Variants in TRIM27 observed in about 807,000 individuals in gnomAD.
The protein encoded by TRIM27 is tripartite motif containing 27.
A neutral mutation model predicts 57.6 loss-of-function variants in TRIM27; 12 were observed. The observed-to-expected ratio is 0.21, with a 90% CI of 0.13 to 0.34. The LOEUF is 0.34. TRIM27 is among the 10% of genes least tolerant of loss of function. The pLI, the probability that TRIM27 is intolerant of heterozygous loss-of-function variation, is 1.00. For missense variants in TRIM27, 403 were observed against 656.8 expected, an observed-to-expected ratio of 0.61 and a Z score of 4.22; for synonymous variants, 266 against 259.0, an observed-to-expected ratio of 1.03 and a Z score of -0.26.
At chr6:28,915,225 C>G (rs1773511716) in intron 3 of TRIM27, 3 of 142,598 alleles carry the variant, frequency 2.1e-5, no homozygotes, top group Admixed American at 1.5e-4. Flanking sequence ...TCCATGACTT[C>G]TTTCTTTCTC....
rs141787804 is a variant in TRIM27 at position 28,920,060 on chromosome 6, G to C, written c.699C>G (p.Ile233Met). ...SCNISHLSSL[I>M]AQLEEKQQQP... ...GCTGCTGCTTCTCTTCTAGCTGAGC[G>C]ATCAGGCTGCTGAGGTGGGAGATGT... The change falls in exon 3 of 8, where the codon ATC (isoleucine) becomes ATG (methionine). Residue 233 changes from isoleucine (I) to methionine (M), a missense_variant. Transcript: ENST00000377199. 1 of 1,614,110 alleles carries C rather than the reference G, an allele frequency of 6.2e-7. No homozygotes were observed. The highest frequency in any genetic ancestry group is 1.7e-5 in the Admixed American group (1 of 60,028).
In TRIM27 at chr6:28,923,722, T is replaced by C; in HGVS notation, c.-90A>G. 6.6e-6 allele frequency: 9 copies of C among 1,362,470 alleles called. No individual in the cohort carries two copies. The highest frequency in any genetic ancestry group is 8.7e-6 in the Non-Finnish European group (9 of 1,028,820). The allele number at this position is 1,362,470 out of a possible 1,614,324, so 84.4% of individuals were successfully genotyped here. On this transcript the variant is annotated 5_prime_UTR_variant, in exon 1 of 8. Transcript: ENST00000377199. ...CTCCGGCGCTCTCTCCGGTTCGCTGTTCCTGAGAGGCACCGGGCGGACGGA... is the reference window on the plus strand; with the variant it reads ...CTCCGGCGCTCTCTCCGGTTCGCTGCTCCTGAGAGGCACCGGGCGGACGGA...
Position 28,923,927 on chromosome 6 carries a change from A to G in TRIM27, c.-295T>C. 2 of 404,148 alleles carry G rather than the reference A, an allele frequency of 4.9e-6. No homozygotes were observed. The highest frequency in any genetic ancestry group is 7.4e-5 in the South Asian group (1 of 13,576). 25.0% of individuals were successfully genotyped at this position (404,148 alleles called of 1,614,324 possible). A position where few individuals can be genotyped will look rare whatever the true frequency, so the allele number is the denominator to read the frequency against. On this transcript the variant is annotated 5_prime_UTR_variant, in exon 1 of 8. Transcript: ENST00000377199. Reference sequence around the variant, plus strand: ...AGCCGAGGGTCAGAGTCCCAGGGCCAGGCGGGCAAAGCGCGCAAGACAACG... The same window carrying G: ...AGCCGAGGGTCAGAGTCCCAGGGCCGGGCGGGCAAAGCGCGCAAGACAACG...
chr6:28,904,641 G>A lies in TRIM27; in HGVS notation c.971C>T (p.Thr324Met), dbSNP rs1772628320. 6.3e-7 allele frequency: 1 copy of A among 1,598,898 alleles called. No individual in the cohort carries two copies. The highest frequency in any genetic ancestry group is 8.5e-7 in the Non-Finnish European group (1 of 1,179,640). ...AGAGAGGATCAGGCTGGGGTAGGCC[G>A]TGTCTGGGTCCAGAGTCACGTCCAC... ...YSVDVTLDPD[T>M]AYPSLILSDN... Residue 324 changes from threonine to methionine, a missense_variant, in exon 8 of 8, where the codon ACG (threonine) becomes ATG (methionine). Coordinates refer to ENST00000377199, the MANE Select transcript of TRIM27 (RefSeq NM_006510.5). The surrounding 1 kb of genome is among the most constrained non-coding windows in gnomAD (Gnocchi z 6.1).
chr6:28,920,581 C>G (rs1386197424), intron 2 of TRIM27, among the ~76,000 whole-genome samples: 1 of 152,128 alleles, frequency 6.6e-6, no homozygotes, highest in East Asian at 1.9e-4. Context: ...ACACAATGTT[C>G]ATGTGATGAA....
chr6:28,919,965 CGAT>C (rs749161493), intron 3 of TRIM27, 44 bp downstream of exon 3: 1 of 1,555,476 alleles, frequency 6.4e-7, no homozygotes, highest in East Asian at 2.2e-5. Context: ...GGAGAAGGGA[CGAT>C]ATTTTCAGTG....
chr6:28,918,679 C>A (rs1424086123), intron 3 of TRIM27, among the ~76,000 whole-genome samples: 2 of 151,992 alleles, frequency 1.3e-5, no homozygotes, highest in Non-Finnish European at 2.9e-5. Context: ...AGTTTGAGAC[C>A]AGCCTGACCA....
At chr6:28,922,298 T>C (rs1462544888) in intron 1 of TRIM27, among the ~76,000 whole-genome samples, 1 of 152,228 alleles carries the variant, frequency 6.6e-6, no homozygotes, top group Non-Finnish European at 1.5e-5. Context: ...TTAGCGGAAC[T>C]GTGACTGGAG....
chr6:28,911,327 TCCC>T (rs1190926387), intron 4 of TRIM27: 3 of 171,552 alleles, frequency 1.7e-5, no homozygotes, highest in African/African-American at 3.1e-5. Context: ...AGGCTTTATT[TCCC>T]CCATTACAGA....
At chr6:28,916,253 A>C (rs1773595141) in intron 3 of TRIM27, among the ~76,000 whole-genome samples, 2 of 152,128 alleles carry the variant, frequency 1.3e-5, no homozygotes, top group South Asian at 4.1e-4. Flanking sequence ...AATCTTTAAA[A>C]AAATATGCTA....
rs1428607893 is a variant in TRIM27, at chr6:28,920,246, T to C, written c.517-4A>G. ...CCCTCTCCATCTGGGTTAGGCTCTA[T>C]GCAGACGACAGGGAAAGGCAGTAAA... is the stretch of plus-strand genomic sequence containing the variant. On this transcript the variant is annotated splice_polypyrimidine_tract_variant and splice_region_variant and intron_variant, in intron 2 of 7. Transcript: ENST00000377199. The C allele has an allele frequency of 5.0e-6, 8 of 1,587,788 alleles. No homozygotes were observed. The highest frequency in any genetic ancestry group is 3.4e-5 in the South Asian group (3 of 89,002).
chr6:28,916,330 A>T (rs1303371695), intron 3 of TRIM27, among the ~76,000 whole-genome samples: 1 of 151,940 alleles, frequency 6.6e-6, no homozygotes, highest in African/African-American at 2.4e-5. Flanking sequence ...AGGTGGGTGG[A>T]TCACCTGAAG....
chr6:28,916,051 G>A (rs1409527975), intron 3 of TRIM27, among the ~76,000 whole-genome samples: 1 of 151,866 alleles, frequency 6.6e-6, no homozygotes, highest in Non-Finnish European at 1.5e-5. Context: ...TGAGTAGCTG[G>A]GATTACAGGC....
In TRIM27 at chr6:28,911,061, A is replaced by C. The variant is rs142040746; in HGVS notation, c.770+635T>G. Reference sequence around the variant, plus strand: ...CCTCAAAGTCAGTTTCCACCCCTGAAGGCATTCTTACACCAAACATGAGCT... The same window carrying C: ...CCTCAAAGTCAGTTTCCACCCCTGACGGCATTCTTACACCAAACATGAGCT... On this transcript the variant is annotated intron_variant, in intron 4 of 7. Coordinates refer to ENST00000377199, the MANE Select transcript of TRIM27 (RefSeq NM_006510.5). 4.2e-4 allele frequency among the ~76,000 whole-genome samples: 64 copies of C among 152,294 alleles called. 1 individual carries two copies. The East Asian group carries it at 0.012, about 28-fold the overall frequency.
At chr6:28,917,800 C>T (rs1773720280) in intron 3 of TRIM27, among the ~76,000 whole-genome samples, 1 of 151,698 alleles carries the variant, frequency 6.6e-6, no homozygotes, top group African/African-American at 2.4e-5. Context: ...CCGCACATTG[C>T]TGATCAGTAC....
intron 6 of TRIM27, chr6:28,907,910 A>AT: frequency 4.2e-6 from 1 of 240,372 alleles, no homozygotes; most frequent in Non-Finnish European, 8.5e-6. Context: ...CAAAAAGTAT[A>AT]TATCTGAATA....
chr6:28,917,767 A>G (rs943646022), intron 3 of TRIM27, among the ~76,000 whole-genome samples: 1 of 151,296 alleles, frequency 6.6e-6, no homozygotes, highest in Non-Finnish European at 1.5e-5. Flanking sequence ...TTTAGTTCTC[A>G]TTTCCACCTG....
chr6:28,916,272 G>T (rs1488712552), intron 3 of TRIM27, among the ~76,000 whole-genome samples: 1 of 152,096 alleles, frequency 6.6e-6, no homozygotes, highest in Non-Finnish European at 1.5e-5. Context: ...TAAGTGATAG[G>T]CCGGGCGTGG....
chr6:28,919,906 C>T, intron 3 of TRIM27, 106 bp downstream of exon 3: 2 of 1,043,782 alleles, frequency 1.9e-6, no homozygotes, highest in Non-Finnish European at 2.7e-6. Flanking sequence ...TCTTGCTATT[C>T]CTGCAGAGTT....
Sources: gnomAD v4.1 joint callset for allele counts (sites outside exome capture counted in the v4.1 genomes callset) on GRCh38, gnomAD v4.1.1 for gene constraint, Gnocchi (gnomAD v3.1) non-coding constraint, MANE v1.5 for transcripts, NCBI Gene and HGNC (gene_info 2026-07-23, HGNC 2026-07-21) for gene names.